Variants in XYLT1 observed in about 807,000 individuals in gnomAD.
XYLT1 encodes xylosyltransferase 1.
XYLT1 carries 36 observed loss-of-function variants against 91.3 expected under a neutral mutation model. The ratio of observed to expected loss-of-function variants is 0.39; its 90% confidence interval spans 0.30 to 0.52. The LOEUF (loss-of-function observed/expected upper bound fraction) is 0.52. Ranked by LOEUF, XYLT1 falls within the 20% of genes least tolerant of loss-of-function variation. The pLI, the probability that XYLT1 is intolerant of heterozygous loss-of-function variation, is 0.68. For synonymous variants in XYLT1, 588 were observed against 532.0 expected (o/e 1.11, Z -1.45); for missense variants, 1,242 against 1,284.5 (o/e 0.97, Z 0.51).
rs750906807 is a variant in XYLT1, at chr16:17,134,481, G to C, written c.2019C>G (p.Asn673Lys). Residue 673 changes from asparagine to lysine, a missense_variant, in exon 9 of 12, where the codon AAC becomes AAG. By Grantham distance (94) the Asn-to-Lys change is moderately conservative. Around this residue, in one of 3 missense-constraint regions of XYLT1, gnomAD observed 511 missense variants for 497.0 expected, o/e 1.03. Coordinates refer to ENST00000261381, the MANE Select transcript of XYLT1 (RefSeq NM_022166.4). ...TCCCATATAGGGCTCACCGGCAGCTGTTCTCCCCATCCGTGTGCAGGGACG... is the reference window on the plus strand; with the variant it reads ...TCCCATATAGGGCTCACCGGCAGCTCTTCTCCCCATCCGTGTGCAGGGACG... Reference protein sequence around the residue: ...AETSLHTDGENSCRYYPMGHP... With the variant: ...AETSLHTDGEKSCRYYPMGHP... The C allele has an allele frequency of 5.0e-6, 8 of 1,614,090 alleles. No homozygotes were observed. The highest frequency in any genetic ancestry group is 6.8e-6 in the Non-Finnish European group (8 of 1,180,034).
At chr16:17,465,289 G>C (rs1235654871) in intron 1 of XYLT1, among the ~76,000 whole-genome samples, 2 of 151,778 alleles carry the variant, frequency 1.3e-5, no homozygotes, top group East Asian at 3.9e-4. Flanking sequence ...TCTCAGTTCT[G>C]CTACTCCCCA....
At chr16:17,425,404 C>T (rs1409984103) in intron 1 of XYLT1, among the ~76,000 whole-genome samples, 2 of 152,154 alleles carry the variant, frequency 1.3e-5, no homozygotes, top group African/African-American at 4.8e-5. Context: ...ATATAGGACA[C>T]CATGCAGCTC....
intron 3 of XYLT1, among the ~76,000 whole-genome samples, chr16:17,251,637 C>G (rs1022010556): frequency 6.6e-6 from 1 of 152,174 alleles, no homozygotes; most frequent in Non-Finnish European, 1.5e-5. Flanking sequence ...GCACGGAGGG[C>G]GCTTCCTGAC....
At chr16:17,348,952 G>T (rs1436587396) in intron 2 of XYLT1, among the ~76,000 whole-genome samples, 3 of 152,212 alleles carry the variant, frequency 2.0e-5, no homozygotes, top group Non-Finnish European at 2.9e-5. Context: ...TGAGCCTCCG[G>T]CTCGTAAGTC....
At chr16:17,165,861 T>C (rs572127525) in intron 5 of XYLT1, among the ~76,000 whole-genome samples, 30 of 152,372 alleles carry the variant, frequency 2.0e-4, no homozygotes, top group South Asian at 1.9e-3. Flanking sequence ...TTTGCAGATA[T>C]GGAATTGTTC....
chr16:17,368,199 A>G (rs1248906655), intron 1 of XYLT1, among the ~76,000 whole-genome samples: 1 of 152,160 alleles, frequency 6.6e-6, no homozygotes, highest in Non-Finnish European at 1.5e-5. Context: ...CCCAGGCTAC[A>G]GCTCGGGATG....
At chr16:17,255,661 G>A (rs569359065) in intron 3 of XYLT1, among the ~76,000 whole-genome samples, 5 of 152,036 alleles carry the variant, frequency 3.3e-5, no homozygotes, top group African/African-American at 1.2e-4. Context: ...CTTAGACAAG[G>A]GTGAAACAGC....
At chr16:17,143,249 T>C (rs1237898431) in intron 6 of XYLT1, among the ~76,000 whole-genome samples, 1 of 152,094 alleles carries the variant, frequency 6.6e-6, no homozygotes, top group Non-Finnish European at 1.5e-5. Context: ...ACCATTTTCA[T>C]TATCATCACT....
At chr16:17,118,478 A>G (rs2029932289) in intron 10 of XYLT1, among the ~76,000 whole-genome samples, 2 of 152,026 alleles carry the variant, frequency 1.3e-5, no homozygotes, top group South Asian at 4.1e-4. Flanking sequence ...TAAGCTAGAG[A>G]CCCTCAGCAT....
intron 5 of XYLT1, among the ~76,000 whole-genome samples, chr16:17,189,489 G>A (rs1368841203): frequency 6.6e-6 from 1 of 152,164 alleles, no homozygotes; most frequent in Non-Finnish European, 1.5e-5. Context: ...TAAACCAGAT[G>A]AGGTCCTCAA....
intron 1 of XYLT1, among the ~76,000 whole-genome samples, chr16:17,382,143 AG>A (rs1489231925): frequency 6.6e-6 from 1 of 151,992 alleles, no homozygotes; most frequent in Admixed American, 6.6e-5. Context: ...ATTCACAGTG[AG>A]AGAAGCCACT....
chr16:17,171,206 A>G (rs1363614232), intron 5 of XYLT1, among the ~76,000 whole-genome samples: 2 of 152,152 alleles, frequency 1.3e-5, no homozygotes, highest in African/African-American at 4.8e-5. Flanking sequence ...ATTCTCCAGG[A>G]CTAGAGTCTG....
chr16:17,441,356 G>A (rs1428417283), intron 1 of XYLT1, among the ~76,000 whole-genome samples: 2 of 152,076 alleles, frequency 1.3e-5, no homozygotes, highest in Non-Finnish European at 2.9e-5. Context: ...ACACAAAACT[G>A]AATTAGTTGT....
chr16:17,209,342 T>C (rs1289458129), intron 3 of XYLT1, among the ~76,000 whole-genome samples: 1 of 152,196 alleles, frequency 6.6e-6, no homozygotes, highest in East Asian at 1.9e-4. Flanking sequence ...ATTTCATTCC[T>C]TTTTCAGGGC....
intron 2 of XYLT1, among the ~76,000 whole-genome samples, chr16:17,299,816 G>A (rs865841266): frequency 1.4e-4 from 22 of 152,166 alleles, no homozygotes; most frequent in African/African-American, 1.2e-4. Context: ...TCAGAAAGAC[G>A]AGGGACACAG....
chr16:17,458,168 G>A (rs1009021367), intron 1 of XYLT1, among the ~76,000 whole-genome samples: 6 of 152,022 alleles, frequency 3.9e-5, no homozygotes, highest in Admixed American at 1.3e-4. Flanking sequence ...TTCTCCCCTC[G>A]CTCATTATGA....
At chr16:17,323,377 T>C (rs571534218) in intron 2 of XYLT1, among the ~76,000 whole-genome samples, 2 of 152,288 alleles carry the variant, frequency 1.3e-5, no homozygotes, top group South Asian at 2.1e-4. Flanking sequence ...GACGGCACCA[T>C]TGGGAATTCC....
chr16:17,115,899 T>C (rs568435019), intron 11 of XYLT1, among the ~76,000 whole-genome samples: 82 of 137,370 alleles, frequency 6.0e-4, no homozygotes, highest in African/African-American at 2.2e-3. Flanking sequence ...TGTCCACCAA[T>C]AGGGGAACAG....
chr16:17,228,674 C>T (rs1172761978), intron 3 of XYLT1, among the ~76,000 whole-genome samples: 1 of 152,134 alleles, frequency 6.6e-6, no homozygotes, highest in Admixed American at 6.5e-5. Context: ...GCAGCTTCAT[C>T]TCCCCTTCTC....
Sources: allele counts gnomAD v4.1 joint callset (sites outside exome capture counted in the v4.1 genomes callset), GRCh38; gene constraint gnomAD v4.1.1; regional missense constraint gnomAD v4.1.1; transcripts MANE v1.5; gene names NCBI Gene and HGNC (gene_info 2026-07-23, HGNC 2026-07-21).